Variants in IREB2 observed in about 807,000 individuals in gnomAD.
The protein encoded by IREB2 is iron-responsive element-binding protein 2.
In IREB2, 39 loss-of-function variants were observed where a neutral mutation model predicts 118.8. That is an observed-to-expected ratio of 0.33 (90% CI 0.25 to 0.43). The LOEUF (loss-of-function observed/expected upper bound fraction) is 0.43, where lower values mean the gene tolerates loss of function less well. IREB2 is among the 20% of genes least tolerant of loss of function. The pLI is 1.00. For missense variants in IREB2, 900 were observed against 1,147.3 expected, an observed-to-expected ratio of 0.78 and a Z score of 3.11; for synonymous variants, 372 against 392.2, an observed-to-expected ratio of 0.95 and a Z score of 0.61.
intron 16 of IREB2, 127 bp from the exon 17 acceptor site, chr15:78,490,295 A>C: frequency 2.4e-4 from 128 of 525,324 alleles, no homozygotes; most frequent in Non-Finnish European, 2.3e-4. Context: ...CCAAATGGAT[A>C]AGGCCTATTT....
Position 78,454,090 on chromosome 15 carries a change from G to A in IREB2, c.107-8832G>A, listed in dbSNP as rs545960244. On this transcript the variant is annotated intron_variant, in intron 2 of 21. Coordinates refer to ENST00000258886, the MANE Select transcript of IREB2 (RefSeq NM_004136.4). Reference sequence around the variant, plus strand: ...GGGAAACCTCATACACTGCTAGTGGGAATGTAAAATAGTGCAGCCACTTTG... The same window carrying A: ...GGGAAACCTCATACACTGCTAGTGGAAATGTAAAATAGTGCAGCCACTTTG... 5.3e-5 allele frequency among the ~76,000 whole-genome samples: 8 copies of A among 152,322 alleles called. No individual in the cohort carries two copies. The South Asian group carries it at 1.7e-3, about 32-fold the overall frequency.
intron 2 of IREB2, among the ~76,000 whole-genome samples, chr15:78,441,352 C>T (rs2050841550): frequency 6.6e-6 from 1 of 152,200 alleles, no homozygotes; most frequent in Non-Finnish European, 1.5e-5. Context: ...ATGTCTTTCA[C>T]ATTAATTTTA....
At chr15:78,478,940 T>C (rs1440628167) in intron 10 of IREB2, among the ~76,000 whole-genome samples, 1 of 152,132 alleles carries the variant, frequency 6.6e-6, no homozygotes, top group Non-Finnish European at 1.5e-5. Context: ...GTAGCTAATC[T>C]TTTTGTTTTG....
At chr15:78,446,610 T>C (rs2050933227) in intron 2 of IREB2, among the ~76,000 whole-genome samples, 1 of 152,220 alleles carries the variant, frequency 6.6e-6, no homozygotes, top group Non-Finnish European at 1.5e-5. Flanking sequence ...ACTTTGTACA[T>C]GGCCTCAAAT....
intron 2 of IREB2, among the ~76,000 whole-genome samples, chr15:78,448,161 T>C (rs569842798): frequency 5.3e-5 from 8 of 152,266 alleles, no homozygotes; most frequent in Non-Finnish European, 4.4e-5. Context: ...ATTTATTTAT[T>C]TGAGACAGAG....
At chr15:78,476,609 C>T (rs1165485656) in intron 9 of IREB2, 3 of 267,862 alleles carry the variant, frequency 1.1e-5, no homozygotes, top group African/African-American at 2.2e-5. Context: ...ACTGTTTCCC[C>T]ATAATGATGG....
In IREB2 at chr15:78,493,990, C is replaced by G. The variant is rs760497763; in HGVS notation, c.2406C>G (p.Ile802Met). Residue 802 changes from isoleucine to methionine, a missense_variant, in exon 19 of 22, where the codon ATC becomes ATG. Ile to Met is a conservative substitution (Grantham distance 10). Coordinates refer to ENST00000258886, the MANE Select transcript of IREB2 (RefSeq NM_004136.4). The part of the protein sequence containing the change: ...AVMTRGTFAN[I>M]KLFNKFIGKP... The stretch of plus-strand genomic sequence containing the variant: ...TGACAAGAGGCACTTTTGCAAATAT[C>G]AAGCTTTTTAATAAGTTTATTGGAA... 6.2e-7 allele frequency: 1 copy of G among 1,614,076 alleles called. No individual in the cohort carries two copies. Among genetic ancestry groups the G allele is most frequent in the Admixed American group, 1.7e-5 (1 of 60,012 alleles).
At chr15:78,456,974 G>C (rs1212778143) in intron 2 of IREB2, among the ~76,000 whole-genome samples, 1 of 152,034 alleles carries the variant, frequency 6.6e-6, no homozygotes, top group Non-Finnish European at 1.5e-5. Context: ...CACTTCTTCT[G>C]TATATTTATG....
At position 78,473,340 on chromosome 15, in the gene IREB2, C is replaced by G. The variant is rs1377642771; in HGVS notation, c.982C>G (p.Pro328Ala). ...ATGTGAGTTAACTGGGTCATCAAAC[C>G]CTTTTGTTACATCCATAGATGTTGT... ...VGCELTGSSN[P>A]FVTSIDVVLG... The change falls in exon 8 of 22, where the codon CCT becomes GCT. Residue 328 changes from proline (P) to alanine (A), a missense_variant. Physicochemically the swap from Pro to Ala is conservative, Grantham distance 27 (BLOSUM62 -1). Transcript: ENST00000258886. 2 of 1,613,670 alleles carry G rather than the reference C, an allele frequency of 1.2e-6. No individual in the cohort carries two copies. Among genetic ancestry groups the G allele is most frequent in the African/African-American group, 1.3e-5 (1 of 74,840 alleles).
chr15:78,500,389 TGAG>T lies in IREB2; in HGVS notation c.*2253_*2255del, dbSNP rs1406457305. ...AAACTTGATAAACATGGTTTCAAAT[TGAG>T]GAGGAGAGTCTTGGATGTATGTTTT... On this transcript the variant is annotated 3_prime_UTR_variant, in exon 22 of 22. Transcript: ENST00000258886. The T allele has an allele frequency of 2.0e-5, 3 of 152,182 alleles. No homozygotes were observed. Among genetic ancestry groups the T allele is most frequent in the South Asian group, 4.1e-4 (2 of 4,838 alleles). 9.4% of individuals were successfully genotyped at this position (152,182 alleles called of 1,614,324 possible).
At chr15:78,465,158 C>A in intron 3 of IREB2, 93 bp from the exon 4 acceptor site, 2 of 1,031,608 alleles carry the variant, frequency 1.9e-6, no homozygotes, top group Non-Finnish European at 2.8e-6. Flanking sequence ...GACAGGGATA[C>A]TTTTTAAAAT....
intron 18 of IREB2, among the ~76,000 whole-genome samples, chr15:78,491,545 T>A (rs1001224501): frequency 6.6e-6 from 1 of 152,214 alleles, no homozygotes; most frequent in Non-Finnish European, 1.5e-5. Context: ...TCACCCAGGC[T>A]GGAGTGCAGT....
intron 16 of IREB2, among the ~76,000 whole-genome samples, chr15:78,489,989 A>T (rs1231777958): frequency 2.0e-5 from 3 of 151,938 alleles, no homozygotes; most frequent in African/African-American, 7.3e-5. Context: ...ACTTTTTTGG[A>T]CTCTGTGAAG....
intron 2 of IREB2, among the ~76,000 whole-genome samples, chr15:78,459,556 G>A (rs2051163278): frequency 6.6e-6 from 1 of 152,048 alleles, no homozygotes; most frequent in African/African-American, 2.4e-5. Flanking sequence ...CGCCATGTTG[G>A]TCAGGCTGGT....
chr15:78,438,634 T>C (rs1240501951), intron 1 of IREB2: 7 of 473,010 alleles, frequency 1.5e-5, no homozygotes, highest in Non-Finnish European at 2.7e-5. Context: ...GGCCGCTGCC[T>C]GCTGCCAGCG....
Position 78,493,990 on chromosome 15 carries a change from C to T in IREB2, c.2406C>T (p.Ile802=), listed in dbSNP as rs760497763. ...AVMTRGTFAN[I]KLFNKFIGKP... ...TGACAAGAGGCACTTTTGCAAATAT[C>T]AAGCTTTTTAATAAGTTTATTGGAA... The change falls in exon 19 of 22, where the codon ATC becomes ATT. Residue 802 remains isoleucine (I), a synonymous_variant. Transcript: ENST00000258886. 1 of 1,614,076 alleles carries T rather than the reference C, an allele frequency of 6.2e-7. No individual in the cohort carries two copies. Among genetic ancestry groups the T allele is most frequent in the South Asian group, 1.1e-5 (1 of 91,076 alleles).
chr15:78,497,222 A>G lies in IREB2; in HGVS notation c.2692A>G (p.Asn898Asp). 6.2e-7 allele frequency: 1 copy of G among 1,613,866 alleles called. No homozygotes were observed. The part of the protein sequence containing the change: ...IAPLQFLPGE[N>D]ADSLGLSGRE... ...TCCACTTCAGTTCCTTCCAGGAGAAAATGCAGATTCCTTGGGCCTCTCCGG... is the reference window on the plus strand; with the variant it reads ...TCCACTTCAGTTCCTTCCAGGAGAAGATGCAGATTCCTTGGGCCTCTCCGG... The change falls in exon 21 of 22, where the codon AAT (asparagine) becomes GAT (aspartate). Residue 898 changes from asparagine to aspartate, a missense_variant. Physicochemically the swap from Asn to Asp is conservative, Grantham distance 23. Transcript: ENST00000258886.
intron 2 of IREB2, among the ~76,000 whole-genome samples, chr15:78,451,938 C>G (rs1383675380): frequency 1.3e-5 from 2 of 152,130 alleles, no homozygotes; most frequent in Non-Finnish European, 2.9e-5. Flanking sequence ...GCTAGGATTA[C>G]AGGAGTGAGC....
intron 2 of IREB2, among the ~76,000 whole-genome samples, chr15:78,441,997 C>A (rs113841988): frequency 6.6e-6 from 1 of 152,116 alleles, no homozygotes; most frequent in Admixed American, 6.5e-5. Context: ...GCCTCTGCCT[C>A]CTGAGTTCAA....
Sources: gnomAD v4.1 joint callset for allele counts (sites outside exome capture counted in the v4.1 genomes callset) on GRCh38, gnomAD v4.1.1 for gene constraint, MANE v1.5 for transcripts, NCBI Gene and HGNC (gene_info 2026-07-23, HGNC 2026-07-21) for gene names.